Variants in GK5 observed in about 807,000 individuals in gnomAD.
GK5 encodes ATP:glycerol 3-phosphotransferase 5.
GK5 carries 39 observed loss-of-function variants against 77.3 expected under a neutral mutation model. That is an observed-to-expected ratio of 0.50 (90% CI 0.39 to 0.66). The LOEUF (loss-of-function observed/expected upper bound fraction) is 0.66. Among genes scored for constraint, GK5 ranks in the 30% least tolerant of loss-of-function variants. The probability of loss-of-function intolerance (pLI) is 0.00; values close to 1 mark genes in which losing one functional copy is unlikely to be tolerated. For missense variants in GK5, 487 were observed against 633.8 expected, an observed-to-expected ratio of 0.77 and a Z score of 2.49; for synonymous variants, 211 against 208.0, an observed-to-expected ratio of 1.01 and a Z score of -0.13.
intron 12 of GK5, among the ~76,000 whole-genome samples, chr3:142,176,500 G>A (rs192435426): frequency 1.5e-3 from 230 of 151,900 alleles, no homozygotes; most frequent in Non-Finnish European, 2.4e-3. Context: ...TGTTTTAAAA[G>A]TATTTGTAAT....
chr3:142,203,820 T>C (rs767337143), intron 4 of GK5, among the ~76,000 whole-genome samples: 8 of 152,248 alleles, frequency 5.3e-5, no homozygotes, highest in Non-Finnish European at 1.2e-4. Context: ...GAATATTGAT[T>C]ATGACATAAA....
chr3:142,165,296 T>C lies in GK5; in HGVS notation c.*326A>G, dbSNP rs562874447. On this transcript the variant is annotated 3_prime_UTR_variant, in exon 16 of 16. Coordinates refer to ENST00000392993, the MANE Select transcript of GK5 (RefSeq NM_001039547.3). ...TATTAGCTTGGATGGTAAATCATTA[T>C]GTTCCTATGTACCACTGACCCAGTA... The C allele has an allele frequency of 4.6e-4, 87 of 188,548 alleles. No homozygotes were observed. Among genetic ancestry groups the C allele is most frequent in the Non-Finnish European group, 7.2e-4 (67 of 92,690 alleles). 11.7% of individuals were successfully genotyped at this position (188,548 alleles called of 1,614,324 possible).
intron 12 of GK5, 78 bp downstream of exon 12, chr3:142,177,404 A>C (rs2063630923): frequency 1.3e-6 from 1 of 792,202 alleles, no homozygotes; most frequent in Admixed American, 2.2e-5. Context: ...AAGGTAACAG[A>C]ATGGTAGATA....
chr3:142,199,382 A>G (rs1161542854), intron 4 of GK5, among the ~76,000 whole-genome samples: 2 of 152,200 alleles, frequency 1.3e-5, no homozygotes, highest in African/African-American at 4.8e-5. Context: ...CTACTATTCC[A>G]ATAGTAATAA....
At chr3:142,190,116 A>G (rs1256401909) in intron 5 of GK5, among the ~76,000 whole-genome samples, 1 of 152,230 alleles carries the variant, frequency 6.6e-6, no homozygotes, top group Non-Finnish European at 1.5e-5. Context: ...GAACTAAAAT[A>G]TTAAGAACTT....
chr3:142,177,417 TAA>T, intron 12 of GK5, 63 bp downstream of exon 12: 1 of 868,706 alleles, frequency 1.2e-6, no homozygotes, highest in East Asian at 2.4e-5. Flanking sequence ...GGTAGATATA[TAA>T]GTTTGGATGT....
intron 15 of GK5, among the ~76,000 whole-genome samples, chr3:142,169,669 CTTTT>C (rs71304258): frequency 1.7e-5 from 2 of 116,924 alleles, no homozygotes; most frequent in Admixed American, 9.0e-5. Flanking sequence ...CCTTACTGTT[CTTTT>C]TTTTTTTTTT....
At chr3:142,200,621 C>A (rs1408744663) in intron 4 of GK5, among the ~76,000 whole-genome samples, 2 of 152,186 alleles carry the variant, frequency 1.3e-5, no homozygotes, top group Non-Finnish European at 2.9e-5. Flanking sequence ...TCTTTATACA[C>A]CCTACACTAT....
intron 3 of GK5, among the ~76,000 whole-genome samples, chr3:142,205,749 CA>C (rs1435107814): frequency 6.6e-6 from 1 of 152,062 alleles, no homozygotes; most frequent in Non-Finnish European, 1.5e-5. Context: ...AAAATTGTGG[CA>C]AAATATACAT....
intron 1 of GK5, among the ~76,000 whole-genome samples, chr3:142,221,452 T>A (rs1327822567): frequency 6.6e-6 from 1 of 152,134 alleles, no homozygotes; most frequent in Admixed American, 6.5e-5. Context: ...CCCAAACAAG[T>A]TGCAGTAGTG....
intron 15 of GK5, among the ~76,000 whole-genome samples, chr3:142,166,745 G>A (rs2063476690): frequency 1.3e-5 from 2 of 152,164 alleles, no homozygotes. Flanking sequence ...ATGTTGGCCA[G>A]GCTGGTCTCA....
intron 1 of GK5, among the ~76,000 whole-genome samples, chr3:142,221,158 G>GT (rs2064341522): frequency 1.3e-5 from 2 of 152,208 alleles, no homozygotes; most frequent in African/African-American, 4.8e-5. Flanking sequence ...AATATGGGGA[G>GT]TATAAGTGTT....
At chr3:142,212,824 A>ATTTTTTTTTT in intron 3 of GK5, among the ~76,000 whole-genome samples, 1 of 129,958 alleles carries the variant, frequency 7.7e-6, no homozygotes, top group African/African-American at 3.0e-5. Flanking sequence ...ATAGACAAAT[A>ATTTTTTTTTT]TTTTCTTTTT....
At chr3:142,179,037 A>G (rs1168329112) in intron 11 of GK5, among the ~76,000 whole-genome samples, 3 of 152,188 alleles carry the variant, frequency 2.0e-5, no homozygotes, top group Non-Finnish European at 4.4e-5. Flanking sequence ...TTCACTGGCC[A>G]TTTGGATATC....
intron 9 of GK5, among the ~76,000 whole-genome samples, chr3:142,184,034 A>G (rs2107775787): frequency 6.6e-6 from 1 of 151,912 alleles, no homozygotes. Flanking sequence ...CGAGGTGGGC[A>G]AATCACGAGG....
chr3:142,176,658 A>ATTTTT (rs1219207632), intron 12 of GK5, among the ~76,000 whole-genome samples: 24 of 105,182 alleles, frequency 2.3e-4, no homozygotes, highest in East Asian at 5.4e-4. Context: ...GGAGATTTTG[A>ATTTTT]TTTTTTTTTT....
At chr3:142,177,332 A>G (rs1480465076) in intron 12 of GK5, 150 bp downstream of exon 12, 2 of 583,390 alleles carry the variant, frequency 3.4e-6, no homozygotes, top group Non-Finnish European at 6.2e-6. Context: ...GCTTGGTCAG[A>G]GCATAACTTC....
chr3:142,181,145 A>G (rs972220717), intron 11 of GK5, among the ~76,000 whole-genome samples: 14 of 152,320 alleles, frequency 9.2e-5, no homozygotes, highest in African/African-American at 3.4e-4. Flanking sequence ...TTGTCATGTT[A>G]TTAATTTTTC....
At chr3:142,190,959 T>A (rs2063841171) in intron 5 of GK5, among the ~76,000 whole-genome samples, 1 of 152,198 alleles carries the variant, frequency 6.6e-6, no homozygotes, top group African/African-American at 2.4e-5. Context: ...CTAGAATAAC[T>A]AAGTGAATTC....
Sources: allele counts gnomAD v4.1 joint callset (sites outside exome capture counted in the v4.1 genomes callset), GRCh38; gene constraint gnomAD v4.1.1; transcripts MANE v1.5; gene names NCBI Gene and HGNC (gene_info 2026-07-23, HGNC 2026-07-21).